Variants in TBC1D12 observed in about 807,000 individuals in gnomAD.
TBC1D12 encodes TBC1 domain family, member 12.
A neutral mutation model predicts 86.7 loss-of-function variants in TBC1D12; 56 were observed. That is an observed-to-expected ratio of 0.65 (90% CI 0.52 to 0.81). The LOEUF (loss-of-function observed/expected upper bound fraction) is 0.81, where lower values mean the gene tolerates loss of function less well. Ranked by LOEUF, TBC1D12 falls within the 30% of genes least tolerant of loss-of-function variation. The probability of loss-of-function intolerance (pLI) is 0.00; values close to 1 mark genes in which losing one functional copy is unlikely to be tolerated. For missense variants in TBC1D12, 1,023 were observed against 1,038.8 expected, an observed-to-expected ratio of 0.98 and a Z score of 0.21; for synonymous variants, 421 against 411.7, an observed-to-expected ratio of 1.02 and a Z score of -0.27.
chr10:94,435,311 A>G (rs1260554067), intron 1 of TBC1D12, among the ~76,000 whole-genome samples: 1 of 149,940 alleles, frequency 6.7e-6, no homozygotes, highest in Non-Finnish European at 1.5e-5. Context: ...ATATCAAAAC[A>G]AATTTATATC....
Position 94,442,027 on chromosome 10 carries a change from C to T in TBC1D12, c.1095+8C>T. The T allele has an allele frequency of 6.2e-7, 1 of 1,605,542 alleles. No individual in the cohort carries two copies. Among genetic ancestry groups the T allele is most frequent in the Non-Finnish European group, 8.5e-7 (1 of 1,177,118 alleles). On this transcript the variant is annotated splice_region_variant and intron_variant, in intron 2 of 12. Transcript: ENST00000225235. ...TCCAAAATCATTCAGCAGGTAAGTA[C>T]TGACATAGCCATGTAGTTTACCCTA...
At chr10:94,442,083 T>TTC (rs200847130) in intron 2 of TBC1D12, 64 bp downstream of exon 2, 17 of 71,046 alleles carry the variant, frequency 2.4e-4, no homozygotes, top group African/African-American at 1.1e-3. Flanking sequence ...CTTCTTCTTC[T>TTC]TTTTTTTTTT....
Position 94,497,132 on chromosome 10 carries a change from G to T in TBC1D12, c.1372G>T (p.Val458Leu). The T allele has an allele frequency of 6.4e-7, 1 of 1,561,186 alleles. No homozygotes were observed. The highest frequency in any genetic ancestry group is 8.6e-7 in the Non-Finnish European group (1 of 1,161,220). The change falls in exon 5 of 13, where the codon GTA becomes TTA. Residue 458 changes from valine (V) to leucine (L), a missense_variant. Val to Leu is a conservative substitution (Grantham distance 32). Around this residue, in one of 2 missense-constraint regions of TBC1D12, gnomAD observed 395 missense variants for 507.7 expected, o/e 0.78. Transcript: ENST00000225235. Reference protein sequence around the residue: ...KQEENIASAMVIWINEILPNW... With the variant: ...KQEENIASAMLIWINEILPNW... ...GGAAGAAAATATTGCAAGTGCAATG[G>T]TAATTTGGATCAATGAAATACTGCC...
intron 3 of TBC1D12, among the ~76,000 whole-genome samples, chr10:94,489,240 G>A (rs1379369021): frequency 6.6e-6 from 1 of 152,196 alleles, no homozygotes; most frequent in Admixed American, 6.5e-5. Context: ...CCCTCCATGG[G>A]CAGGTGCTGG....
intron 3 of TBC1D12, 40 bp downstream of exon 3, chr10:94,474,823 T>G (rs774320402): frequency 6.6e-7 from 1 of 1,522,934 alleles, no homozygotes; most frequent in Non-Finnish European, 9.0e-7. Context: ...TGTTTATATT[T>G]TAAAGTTAAA....
At chr10:94,415,712 C>T (rs1409113292) in intron 1 of TBC1D12, among the ~76,000 whole-genome samples, 1 of 152,116 alleles carries the variant, frequency 6.6e-6, no homozygotes, top group Non-Finnish European at 1.5e-5. Context: ...CCAGCCTGGG[C>T]ACTCCAGCCT....
At chr10:94,488,909 C>G (rs935371957) in intron 3 of TBC1D12, among the ~76,000 whole-genome samples, 1 of 152,124 alleles carries the variant, frequency 6.6e-6, no homozygotes, top group Non-Finnish European at 1.5e-5. Flanking sequence ...TCTTTCTCCT[C>G]TCCTCAAGTG....
At chr10:94,430,794 C>A (rs2055205714) in intron 1 of TBC1D12, among the ~76,000 whole-genome samples, 1 of 152,154 alleles carries the variant, frequency 6.6e-6, no homozygotes, top group African/African-American at 2.4e-5. Flanking sequence ...CCACATTAGC[C>A]TTTTCTTAGT....
intron 3 of TBC1D12, among the ~76,000 whole-genome samples, chr10:94,481,085 T>G (rs1445074108): frequency 7.0e-6 from 1 of 142,264 alleles, no homozygotes; most frequent in Non-Finnish European, 1.5e-5. Context: ...GACTCATCAA[T>G]AGTCTTAAAA....
chr10:94,429,770 G>A (rs1229455597), intron 1 of TBC1D12, among the ~76,000 whole-genome samples: 1 of 151,544 alleles, frequency 6.6e-6, no homozygotes, highest in Non-Finnish European at 1.5e-5. Context: ...TTCTTGCTCT[G>A]TCACTCAGGC....
intron 1 of TBC1D12, among the ~76,000 whole-genome samples, chr10:94,426,402 G>T (rs898169527): frequency 5.9e-5 from 9 of 151,684 alleles, no homozygotes; most frequent in African/African-American, 2.2e-4. Flanking sequence ...TATTAGTATT[G>T]CCAAATGACT....
At chr10:94,416,493 A>G (rs1461473566) in intron 1 of TBC1D12, among the ~76,000 whole-genome samples, 1 of 152,198 alleles carries the variant, frequency 6.6e-6, no homozygotes, top group Non-Finnish European at 1.5e-5. Flanking sequence ...TTACATGATT[A>G]CCCTTCAGAC....
At chr10:94,451,918 A>T (rs1296851626) in intron 2 of TBC1D12, among the ~76,000 whole-genome samples, 1 of 151,856 alleles carries the variant, frequency 6.6e-6, no homozygotes, top group Admixed American at 6.6e-5. Context: ...TCTTTTGATC[A>T]TTTTTTTAAA....
intron 2 of TBC1D12, among the ~76,000 whole-genome samples, chr10:94,446,907 A>C (rs949438978): frequency 2.0e-5 from 3 of 151,968 alleles, no homozygotes; most frequent in African/African-American, 7.3e-5. Context: ...CCACATTTCT[A>C]CTAAAAACAC....
intron 2 of TBC1D12, among the ~76,000 whole-genome samples, chr10:94,466,369 T>C (rs1408701727): frequency 6.6e-6 from 1 of 152,118 alleles, no homozygotes. Context: ...ATACATACTT[T>C]CTGCCTGAAT....
chr10:94,517,451 TA>T (rs1842028436), intron 9 of TBC1D12, among the ~76,000 whole-genome samples: 1 of 152,208 alleles, frequency 6.6e-6, no homozygotes, highest in Non-Finnish European at 1.5e-5. Context: ...TGGGGAAAAT[TA>T]AAATACTGTT....
At chr10:94,468,642 A>G (rs1047114743) in intron 2 of TBC1D12, among the ~76,000 whole-genome samples, 1 of 152,160 alleles carries the variant, frequency 6.6e-6, no homozygotes, top group Non-Finnish European at 1.5e-5. Flanking sequence ...TATTTTAGCA[A>G]ATAATTATGA....
chr10:94,444,888 C>T (rs975069845), intron 2 of TBC1D12, among the ~76,000 whole-genome samples: 4 of 151,256 alleles, frequency 2.6e-5, no homozygotes, highest in Non-Finnish European at 5.9e-5. Flanking sequence ...CCCGCCGCCA[C>T]GCCTGGCTAA....
intron 1 of TBC1D12, among the ~76,000 whole-genome samples, chr10:94,438,299 T>G (rs148408674): frequency 2.6e-5 from 4 of 152,246 alleles, no homozygotes; most frequent in African/African-American, 9.6e-5. Context: ...TATTCCATAT[T>G]GTGTATGGTC....
Sources: allele counts gnomAD v4.1 joint callset (sites outside exome capture counted in the v4.1 genomes callset), GRCh38; gene constraint gnomAD v4.1.1; regional missense constraint gnomAD v4.1.1; transcripts MANE v1.5; gene names NCBI Gene and HGNC (gene_info 2026-07-23, HGNC 2026-07-21).